Variants in GPC3 observed in about 807,000 individuals in gnomAD.
The protein encoded by GPC3 is glypican 3.
GPC3 carries 3 observed loss-of-function variants against 34.4 expected under a neutral mutation model. The observed-to-expected ratio is 0.09, with a 90% CI of 0.04 to 0.23. GPC3 has a LOEUF of 0.23. Among genes scored for constraint, GPC3 ranks in the 10% least tolerant of loss-of-function variants. The pLI is 1.00. For synonymous variants in GPC3, 177 were observed against 174.0 expected (o/e 1.02, Z -0.13); for missense variants, 351 against 445.6 (o/e 0.79, Z 1.91).
intron 7 of GPC3, among the ~76,000 whole-genome samples, chrX:133,558,377 C>CA (rs1448985397): frequency 9.2e-6 from 1 of 108,354 alleles, no homozygotes; most frequent in African/African-American, 3.4e-5. Flanking sequence ...AGAACAGACT[C>CA]AGACAGCATC....
intron 2 of GPC3, among the ~76,000 whole-genome samples, chrX:133,811,399 C>T (rs995566969): frequency 9.0e-6 from 1 of 111,338 alleles, no homozygotes; most frequent in African/African-American, 3.3e-5. Context: ...AAGGACTGTC[C>T]CAACTGAAAT....
intron 6 of GPC3, among the ~76,000 whole-genome samples, chrX:133,615,712 C>A (rs1461982225): frequency 9.3e-6 from 1 of 107,723 alleles, no homozygotes; most frequent in Non-Finnish European, 1.9e-5. Context: ...ATGTAACAAA[C>A]CCGCACGTTG....
intron 2 of GPC3, among the ~76,000 whole-genome samples, chrX:133,923,957 T>C (rs773649165): frequency 8.9e-6 from 1 of 111,759 alleles, no homozygotes; most frequent in East Asian, 2.8e-4. Flanking sequence ...TTGGTTGTTC[T>C]CCGTCCTATA....
At chrX:133,678,938 C>T (rs753952919) in intron 5 of GPC3, among the ~76,000 whole-genome samples, 8 of 111,893 alleles carry the variant, frequency 7.1e-5, no homozygotes, top group Non-Finnish European at 1.3e-4. Context: ...TCTCCAAATT[C>T]AATTCCCAGC....
At chrX:133,925,507 T>C (rs1487335160) in intron 2 of GPC3, among the ~76,000 whole-genome samples, 1 of 112,094 alleles carries the variant, frequency 8.9e-6, no homozygotes, top group Non-Finnish European at 1.9e-5. Context: ...CAATGACTGG[T>C]GTGATGGCAT....
intron 3 of GPC3, among the ~76,000 whole-genome samples, chrX:133,745,813 A>G (rs1287330334): frequency 8.9e-6 from 1 of 112,471 alleles, no homozygotes; most frequent in Non-Finnish European, 1.9e-5. Context: ...ACAATTCTCC[A>G]TGGATCTCTT....
chrX:133,620,005 T>C (rs1367877731), intron 6 of GPC3, among the ~76,000 whole-genome samples: 1 of 109,286 alleles, frequency 9.2e-6, no homozygotes, highest in East Asian at 2.9e-4. Context: ...CGGATCATGA[T>C]GTCAGGAGAT....
At chrX:133,853,674 C>T (rs1173440185) in intron 2 of GPC3, among the ~76,000 whole-genome samples, 1 of 112,201 alleles carries the variant, frequency 8.9e-6, no homozygotes, top group Non-Finnish European at 1.9e-5. Context: ...CCTTGAAGAA[C>T]AGAATCTATT....
intron 2 of GPC3, among the ~76,000 whole-genome samples, chrX:133,827,147 G>A (rs2075751462): frequency 9.0e-6 from 1 of 111,640 alleles, no homozygotes; most frequent in African/African-American, 3.3e-5. Flanking sequence ...GGGAAATCAA[G>A]ACATTCCCAG....
chrX:133,865,592 C>T (rs765378915), intron 2 of GPC3, among the ~76,000 whole-genome samples: 291 of 112,092 alleles, frequency 2.6e-3, no homozygotes, highest in Non-Finnish European at 3.9e-3. Context: ...ACAAAGTTTG[C>T]TTACTTTAAA....
chrX:133,720,928 G>T (rs1220369270), intron 3 of GPC3, among the ~76,000 whole-genome samples: 1 of 109,442 alleles, frequency 9.1e-6, no homozygotes, highest in Non-Finnish European at 1.9e-5. Flanking sequence ...CTACACATTG[G>T]GTACAGTGTA....
At chrX:133,706,252 C>G (rs1166751606) in intron 3 of GPC3, among the ~76,000 whole-genome samples, 1 of 112,042 alleles carries the variant, frequency 8.9e-6, no homozygotes, top group African/African-American at 3.2e-5. Context: ...AAAAATCCTA[C>G]AAGAAAACTA....
intron 3 of GPC3, among the ~76,000 whole-genome samples, chrX:133,710,697 C>T (rs1306112142): frequency 1.8e-5 from 2 of 112,091 alleles, no homozygotes; most frequent in African/African-American, 6.5e-5. Context: ...GTGACTTTGG[C>T]TGTTTACCCT....
At chrX:133,742,888 A>G (rs920114299) in intron 3 of GPC3, among the ~76,000 whole-genome samples, 2 of 112,294 alleles carry the variant, frequency 1.8e-5, no homozygotes, top group African/African-American at 6.5e-5. Context: ...TCTGAGTGGA[A>G]CGAAAAAGGG....
chrX:133,804,182 A>T (rs1241837476), intron 2 of GPC3, among the ~76,000 whole-genome samples: 2 of 111,571 alleles, frequency 1.8e-5, no homozygotes, highest in Non-Finnish European at 3.8e-5. Context: ...AGAACAGGAG[A>T]AGAATCTTTC....
intron 2 of GPC3, among the ~76,000 whole-genome samples, chrX:133,856,239 T>C (rs975978252): frequency 9.0e-6 from 1 of 111,467 alleles, no homozygotes; most frequent in African/African-American, 3.3e-5. Flanking sequence ...CCACCAACAG[T>C]ATACAAGAGT....
At chrX:133,791,326 T>A (rs2072157896) in intron 2 of GPC3, among the ~76,000 whole-genome samples, 1 of 111,396 alleles carries the variant, frequency 9.0e-6, no homozygotes, top group Non-Finnish European at 1.9e-5. Flanking sequence ...AGGTCTGCAA[T>A]GTCATATTTG....
At chrX:133,733,911 C>CA (rs1265787576) in intron 3 of GPC3, among the ~76,000 whole-genome samples, 7 of 110,756 alleles carry the variant, frequency 6.3e-5, no homozygotes, top group South Asian at 7.5e-4. Flanking sequence ...AAACTTTCCA[C>CA]AAAAAAAAGC....
At chrX:133,819,525 T>A (rs1332975113) in intron 2 of GPC3, among the ~76,000 whole-genome samples, 1 of 110,783 alleles carries the variant, frequency 9.0e-6, no homozygotes, top group Non-Finnish European at 1.9e-5. Context: ...GAATATCTGA[T>A]CAGTGGTATA....
Sources: allele counts gnomAD v4.1 joint callset (sites outside exome capture counted in the v4.1 genomes callset), GRCh38; gene constraint gnomAD v4.1.1; transcripts MANE v1.5; gene names NCBI Gene and HGNC (gene_info 2026-07-23, HGNC 2026-07-21).